The following SLC22A25 variants were observed in gnomAD, a reference collection of about 807,000 sequenced individuals.
SLC22A25 encodes the protein solute carrier family 22 member 25.
In SLC22A25, 44 loss-of-function variants were observed where a neutral mutation model predicts 45.9. The ratio of observed to expected loss-of-function variants is 0.96; its 90% CI spans 0.75 to 1.23. SLC22A25 has a LOEUF of 1.23. SLC22A25 is among the 50% of genes most tolerant of loss of function. SLC22A25 has a pLI of 0.00. For missense variants in SLC22A25, 800 were observed against 666.4 expected (o/e 1.20, Z -2.21); for synonymous variants, 283 against 238.6 (o/e 1.19, Z -1.72).
chr11:63,177,082 A>T (rs2088115615), intron 9 of SLC22A25, among the ~76,000 whole-genome samples: 1 of 152,048 alleles, frequency 6.6e-6, no homozygotes, highest in South Asian at 2.1e-4. Context: ...GTTGGCCTGT[A>T]AACTTTCTGT....
rs1193522375 is a variant in SLC22A25, at chr11:63,161,472, C to T, written c.*2352G>A. 6.6e-6 allele frequency among the ~76,000 whole-genome samples: 1 copy of T among 152,138 alleles called. No homozygotes were observed. The highest frequency in any genetic ancestry group is 6.5e-5 in the Admixed American group (1 of 15,270). On this transcript the variant is annotated 3_prime_UTR_variant, in exon 12 of 12. Transcript: ENST00000306494. ...TACCCAATCTCATCTTGAATTGTAG[C>T]TCCCACAATTCCCACACATCATGGG...
At chr11:63,205,990 C>G (rs983380347) in intron 7 of SLC22A25, among the ~76,000 whole-genome samples, 22 of 151,802 alleles carry the variant, frequency 1.4e-4, no homozygotes, top group African/African-American at 5.1e-4. Flanking sequence ...AAGGCTGGTT[C>G]CACGTAAGCA....
At chr11:63,227,295 T>C (rs1363713076) in intron 5 of SLC22A25, among the ~76,000 whole-genome samples, 1 of 152,158 alleles carries the variant, frequency 6.6e-6, no homozygotes, top group Non-Finnish European at 1.5e-5. Flanking sequence ...CCAAGGTCAA[T>C]GACATGTATT....
intron 7 of SLC22A25, among the ~76,000 whole-genome samples, chr11:63,195,678 C>T (rs2088998451): frequency 6.6e-6 from 1 of 152,220 alleles, no homozygotes; most frequent in East Asian, 1.9e-4. Context: ...GACACCCTAA[C>T]ATCGCAATTA....
At chr11:63,209,597 G>A (rs2089503480) in intron 7 of SLC22A25, among the ~76,000 whole-genome samples, 1 of 152,184 alleles carries the variant, frequency 6.6e-6, no homozygotes, top group African/African-American at 2.4e-5. Context: ...AGGCTTTGCA[G>A]ATGCCACTTT....
At chr11:63,210,647 A>G (rs1020661915) in intron 7 of SLC22A25, among the ~76,000 whole-genome samples, 1 of 152,108 alleles carries the variant, frequency 6.6e-6, no homozygotes, top group Non-Finnish European at 1.5e-5. Context: ...CCATATTTTT[A>G]GGCCATGGGG....
chr11:63,163,167 G>A lies in SLC22A25; in HGVS notation c.*657C>T, dbSNP rs2087564788. Among the ~76,000 whole-genome samples, 1 of 152,212 alleles carries A rather than the reference G, an allele frequency of 6.6e-6. No individual in the cohort carries two copies. Among genetic ancestry groups the A allele is most frequent in the Admixed American group, 6.5e-5 (1 of 15,274 alleles). ...TCCCAGCCTAGGATCTGGGAAGGCA[G>A]CTTGAATAGCTTCAACTCTCACACT... is the stretch of plus-strand genomic sequence containing the variant. On this transcript the variant is annotated 3_prime_UTR_variant, in exon 12 of 12. Transcript: ENST00000306494.
intron 7 of SLC22A25, among the ~76,000 whole-genome samples, chr11:63,206,234 G>A (rs966002461): frequency 6.6e-6 from 1 of 152,154 alleles, no homozygotes; most frequent in Admixed American, 6.5e-5. Flanking sequence ...ACAAGATGAG[G>A]GTGGTGTCTC....
chr11:63,217,199 A>C, intron 7 of SLC22A25, 115 bp downstream of exon 7: 1 of 1,210,034 alleles, frequency 8.3e-7, no homozygotes, highest in Non-Finnish European at 1.1e-6. Flanking sequence ...TTTAGCACAG[A>C]TTAGGAGAAT....
chr11:63,170,106 T>C (rs1389297771), intron 9 of SLC22A25, among the ~76,000 whole-genome samples: 1 of 152,144 alleles, frequency 6.6e-6, no homozygotes, highest in African/African-American at 2.4e-5. Context: ...AAAGAAGTTA[T>C]TTGAAACGAA....
intron 7 of SLC22A25, among the ~76,000 whole-genome samples, chr11:63,185,562 C>CT (rs1356457649): frequency 3.6e-5 from 5 of 140,462 alleles, no homozygotes; most frequent in Non-Finnish European, 7.7e-5. Flanking sequence ...TATTAATATA[C>CT]TTTAAGTTTT....
At chr11:63,166,747 T>A in intron 9 of SLC22A25, 1 of 987,256 alleles carries the variant, frequency 1.0e-6, no homozygotes, top group Non-Finnish European at 1.2e-6. Context: ...ATTCATGGCA[T>A]TCATTCTGTA....
In SLC22A25 at chr11:63,183,740, G is replaced by A. The variant is rs1316380564; in HGVS notation, c.908C>T (p.Ala303Val). 6.2e-7 allele frequency: 1 copy of A among 1,613,118 alleles called. No homozygotes were observed. Among genetic ancestry groups the A allele is most frequent in the Admixed American group, 1.7e-5 (1 of 59,922 alleles). Reference protein sequence around the residue: ...EEGLKELRKAAHRNGMKNAED... With the variant: ...EEGLKELRKAVHRNGMKNAED... ...AGCATTCTTCATTCCATTCCTGTGTGCAGCTTTTCTAAGTTCCTTTAAGCC... is the reference window on the plus strand; with the variant it reads ...AGCATTCTTCATTCCATTCCTGTGTACAGCTTTTCTAAGTTCCTTTAAGCC... The change falls in exon 8 of 12, where the codon GCA becomes GTA. Residue 303 changes from alanine to valine, a missense_variant. Physicochemically the swap from Ala to Val is moderately conservative, Grantham distance 64. Transcript: ENST00000306494.
In SLC22A25 at chr11:63,163,835, A is replaced by AGCT. The variant is rs749294441; in HGVS notation, c.1630_1632dup (p.Ser545dup). The AGCT allele has an allele frequency of 1.9e-6, 3 of 1,613,068 alleles. No individual in the cohort carries two copies. The highest frequency in any genetic ancestry group is 2.5e-6 in the Non-Finnish European group (3 of 1,179,444). The stretch of plus-strand genomic sequence containing the variant: ...TCCTCAGCACAGACCTATAGCACAG[A>AGCT]GCTCCTCTGAGGGGCAGCTAGGCTA... On this transcript the variant is annotated inframe_insertion, in exon 12 of 12. Coordinates refer to ENST00000306494, the MANE Select transcript of SLC22A25 (RefSeq NM_199352.6).
intron 9 of SLC22A25, among the ~76,000 whole-genome samples, chr11:63,171,695 G>A (rs959345694): frequency 1.3e-5 from 2 of 152,084 alleles, no homozygotes; most frequent in Non-Finnish European, 1.5e-5. Context: ...CATGCTCATG[G>A]ATAGAAAGAA....
At chr11:63,186,358 G>A (rs1429876532) in intron 7 of SLC22A25, among the ~76,000 whole-genome samples, 1 of 151,428 alleles carries the variant, frequency 6.6e-6, no homozygotes, top group Admixed American at 6.6e-5. Flanking sequence ...AGAAGTGTCT[G>A]TTCATATCCT....
At position 63,160,372 on chromosome 11, in the gene SLC22A25, G is replaced by A. The variant is rs201516170; in HGVS notation, c.*3452C>T. Among the ~76,000 whole-genome samples, 2 of 152,224 alleles carry A rather than the reference G, an allele frequency of 1.3e-5. No individual in the cohort carries two copies. Among genetic ancestry groups the A allele is most frequent in the African/African-American group, 4.8e-5 (2 of 41,462 alleles). On this transcript the variant is annotated 3_prime_UTR_variant, in exon 12 of 12. Transcript: ENST00000306494. ...GTACAGATCAGGCTGTGGCTTCAGAGGGTGCAAGCCCCAAGCCTTGACAGC... is the reference window on the plus strand; with the variant it reads ...GTACAGATCAGGCTGTGGCTTCAGAAGGTGCAAGCCCCAAGCCTTGACAGC...
At chr11:63,194,890 C>CAAAAAAAAAAAAAA (rs796301840) in intron 7 of SLC22A25, among the ~76,000 whole-genome samples, 2 of 34,654 alleles carry the variant, frequency 5.8e-5, no homozygotes, top group Non-Finnish European at 1.2e-4. Context: ...AAATGGAAAG[C>CAAAAAAAAAAAAAA]AAAAAAAAAA....
intron 7 of SLC22A25, among the ~76,000 whole-genome samples, chr11:63,203,973 T>C (rs974120032): frequency 2.0e-5 from 3 of 152,130 alleles, no homozygotes; most frequent in Non-Finnish European, 2.9e-5. Context: ...GCAGAAACCC[T>C]ACAAGCCAGA....
Sources: gnomAD v4.1 joint callset for allele counts (sites outside exome capture counted in the v4.1 genomes callset) on GRCh38, gnomAD v4.1.1 for gene constraint, MANE v1.5 for transcripts, NCBI Gene and HGNC (gene_info 2026-07-23, HGNC 2026-07-21) for gene names.